BTG3: variants seen among roughly 807,000 people sequenced by gnomAD.
BTG3 encodes the protein BTG anti-proliferation factor 3, also known as protein BTG3.
A neutral mutation model predicts 25.8 loss-of-function variants in BTG3; 4 were observed. That is an observed-to-expected ratio of 0.16 (90% CI 0.08 to 0.36). The LOEUF is 0.36. Ranked by LOEUF, BTG3 falls within the 10% of genes least tolerant of loss-of-function variation. BTG3 has a pLI of 1.00. For synonymous variants in BTG3, 107 were observed against 99.9 expected, an observed-to-expected ratio of 1.07 and a Z score of -0.42; for missense variants, 201 against 304.9, an observed-to-expected ratio of 0.66 and a Z score of 2.54.
At chr21:17,602,548 TA>T (rs2061587584) in intron 3 of BTG3, among the ~76,000 whole-genome samples, 1 of 152,210 alleles carries the variant, frequency 6.6e-6, no homozygotes, top group South Asian at 2.1e-4. Flanking sequence ...CCACCTCTAC[TA>T]AACGATTAAT....
intron 4 of BTG3, among the ~76,000 whole-genome samples, chr21:17,598,143 T>G (rs1394163034): frequency 1.3e-5 from 2 of 152,166 alleles, no homozygotes; most frequent in East Asian, 3.8e-4. Context: ...ACTAGCTATA[T>G]GACTTTTCAA....
chr21:17,600,369 T>TA (rs1202663552), intron 3 of BTG3, among the ~76,000 whole-genome samples: 4 of 152,312 alleles, frequency 2.6e-5, no homozygotes, highest in Middle Eastern at 3.4e-3. Flanking sequence ...TGAAAAAAGA[T>TA]AAAAATAAGT....
At chr21:17,594,764 T>A (rs1429586879) in intron 4 of BTG3, among the ~76,000 whole-genome samples, 4 of 151,606 alleles carry the variant, frequency 2.6e-5, no homozygotes, top group Non-Finnish European at 4.4e-5. Flanking sequence ...AACTACCGCA[T>A]GTTCTCACTT....
intron 4 of BTG3, among the ~76,000 whole-genome samples, chr21:17,595,838 C>G (rs991594935): frequency 1.3e-4 from 20 of 151,970 alleles, no homozygotes; most frequent in Non-Finnish European, 2.9e-4. Flanking sequence ...AGAAGAGTTA[C>G]ACATTTAACG....
chr21:17,609,182 A>G (rs781416294), intron 1 of BTG3, 30 bp from the exon 2 acceptor site: 3 of 1,589,452 alleles, frequency 1.9e-6, no homozygotes, highest in Non-Finnish European at 2.6e-6. Flanking sequence ...TTTCTCAGAA[A>G]AACAAAATAT....
chr21:17,608,992 T>C lies in BTG3; in HGVS notation c.153A>G (p.Pro51=), dbSNP rs749683422. 12 of 1,613,414 alleles carry C rather than the reference T, an allele frequency of 7.4e-6. No individual in the cohort carries two copies. Among genetic ancestry groups the C allele is most frequent in the South Asian group, 5.5e-5 (5 of 90,856 alleles). ...TTTACCTGTAGGCCTGTCCTTTCGA[T>C]GGTTTTTCTGGATACCAGTGATTTT... The part of the protein sequence containing the change: ...KYKNHWYPEK[P]SKGQAYRCIR... The change falls in exon 2 of 5, where the codon CCA becomes CCG. Residue 51 remains proline, a synonymous_variant. Coordinates refer to ENST00000348354, the MANE Select transcript of BTG3 (RefSeq NM_006806.5).
chr21:17,600,749 G>A (rs531016114), intron 3 of BTG3, among the ~76,000 whole-genome samples: 1 of 152,304 alleles, frequency 6.6e-6, no homozygotes, highest in Admixed American at 6.5e-5. Context: ...ACATAGATGA[G>A]TTCTATTTCT....
At chr21:17,594,417 T>C (rs534529331) in intron 4 of BTG3, 85 bp from the exon 5 acceptor site, 11 of 1,253,070 alleles carry the variant, frequency 8.8e-6, no homozygotes, top group Non-Finnish European at 1.2e-5. Context: ...ACAAACAAAG[T>C]TACCCACAAC....
intron 1 of BTG3, 131 bp from the exon 2 acceptor site, chr21:17,609,283 A>G (rs2089875979): frequency 1.1e-6 from 1 of 870,576 alleles, no homozygotes; most frequent in South Asian, 1.9e-5. Context: ...TCTTTGGCTT[A>G]TATCTGAAGT....
intron 1 of BTG3, among the ~76,000 whole-genome samples, chr21:17,609,966 A>G (rs1485590271): frequency 1.3e-5 from 2 of 152,224 alleles, no homozygotes; most frequent in African/African-American, 4.8e-5. Context: ...ACTGTGGTAT[A>G]TACATGTAAT....
intron 3 of BTG3, among the ~76,000 whole-genome samples, chr21:17,600,503 G>A (rs1464124951): frequency 3.3e-5 from 5 of 151,970 alleles, no homozygotes; most frequent in Admixed American, 1.3e-4. Flanking sequence ...AAAGTAAAAG[G>A]CTTAACTGCT....
intron 4 of BTG3, among the ~76,000 whole-genome samples, chr21:17,595,044 C>T (rs1335613674): frequency 6.6e-6 from 1 of 151,454 alleles, no homozygotes; most frequent in Non-Finnish European, 1.5e-5. Context: ...CATGCCCTAG[C>T]ACTGGTCTAA....
At chr21:17,601,119 C>G (rs1056421624) in intron 3 of BTG3, among the ~76,000 whole-genome samples, 1 of 138,522 alleles carries the variant, frequency 7.2e-6, no homozygotes, top group Non-Finnish European at 1.6e-5. Context: ...GCTGAGATCG[C>G]ACCACTGCAC....
intron 1 of BTG3, among the ~76,000 whole-genome samples, chr21:17,611,485 C>G (rs548666738): frequency 6.6e-6 from 1 of 152,224 alleles, no homozygotes; most frequent in Admixed American, 6.5e-5. Flanking sequence ...TTGTTTTCCC[C>G]GTTTGAAGAA....
At chr21:17,594,469 A>C in intron 4 of BTG3, 137 bp from the exon 5 acceptor site, 1 of 1,024,046 alleles carries the variant, frequency 9.8e-7, no homozygotes, top group Non-Finnish European at 1.4e-6. Flanking sequence ...GTCAGGTCTA[A>C]ATACATTAAA....
chr21:17,601,039 T>C (rs562117309), intron 3 of BTG3, among the ~76,000 whole-genome samples: 1 of 152,070 alleles, frequency 6.6e-6, no homozygotes, highest in East Asian at 1.9e-4. Context: ...GGTGTGCGCC[T>C]GTAATCCCAG....
chr21:17,611,803 A>G (rs1174216297), intron 1 of BTG3: 1 of 152,250 alleles, frequency 6.6e-6, no homozygotes, highest in African/African-American at 2.4e-5. Context: ...AAGGGAATCC[A>G]GAATCAAGCT....
chr21:17,612,683 G>A lies in BTG3; in HGVS notation c.-9+16C>T. ...AGCCCCGCCATGTCTGCCTTTCCCC[G>A]GCCCGGTCTCCTCACCGCCGCTGCC... is the stretch of plus-strand genomic sequence containing the variant. On this transcript the variant is annotated intron_variant, in intron 1 of 4. Transcript: ENST00000348354. The A allele has an allele frequency of 6.5e-6, 1 of 152,722 alleles. No individual in the cohort carries two copies. Among genetic ancestry groups the A allele is most frequent in the Non-Finnish European group, 1.5e-5 (1 of 68,518 alleles). The allele number at this position is 152,722 out of a possible 1,614,324, so 9.5% of individuals were successfully genotyped here.
At chr21:17,599,207 A>C (rs1047531161) in intron 3 of BTG3, 1 of 189,156 alleles carries the variant, frequency 5.3e-6, no homozygotes, top group Admixed American at 5.7e-5. Flanking sequence ...GATGGGTTTC[A>C]CTCTGTTGCC....
Sources: allele counts gnomAD v4.1 joint callset (sites outside exome capture counted in the v4.1 genomes callset), GRCh38; gene constraint gnomAD v4.1.1; transcripts MANE v1.5; gene names NCBI Gene and HGNC (gene_info 2026-07-23, HGNC 2026-07-21).